GNB4: variants seen among roughly 807,000 people sequenced by gnomAD.
GNB4 encodes the protein G protein subunit beta 4, also known as guanine nucleotide-binding protein subunit beta-4.
A neutral mutation model predicts 45.2 loss-of-function variants in GNB4; 28 were observed. The ratio of observed to expected loss-of-function variants is 0.62; its 90% CI spans 0.46 to 0.85. The LOEUF (loss-of-function observed/expected upper bound fraction) is 0.85, where lower values mean the gene tolerates loss of function less well. Ranked by LOEUF, GNB4 falls within the 40% of genes least tolerant of loss-of-function variation. The pLI, the probability that GNB4 is intolerant of heterozygous loss-of-function variation, is 0.00. For missense variants in GNB4, 321 were observed against 425.4 expected (o/e 0.75, Z 2.16); for synonymous variants, 132 against 143.7 (o/e 0.92, Z 0.58).
intron 1 of GNB4, among the ~76,000 whole-genome samples, chr3:179,444,059 G>A (rs1339734273): frequency 1.3e-5 from 2 of 150,894 alleles, no homozygotes; most frequent in African/African-American, 2.4e-5. Flanking sequence ...CAATCCCCCC[G>A]ATTCTTCAGC....
rs755374705 is a variant in GNB4, at chr3:179,396,329, T to A, written c.*4884A>T. On this transcript the variant is annotated 3_prime_UTR_variant, in exon 10 of 10. Transcript: ENST00000232564. ...GACCACGAGTGTGTACAAATCATTC[T>A]AGGTAAAGACAAACACTTTCAGAAT... 10 of 152,210 alleles carry A rather than the reference T, an allele frequency of 6.6e-5. No individual in the cohort carries two copies. Among genetic ancestry groups the A allele is most frequent in the South Asian group, 2.1e-4 (1 of 4,836 alleles). 9.4% of individuals were successfully genotyped at this position (152,210 alleles called of 1,614,324 possible).
the GNB4 span, among the ~76,000 whole-genome samples, chr3:179,470,214 T>C: frequency 6.6e-6 from 1 of 152,212 alleles, no homozygotes; most frequent in African/African-American, 2.4e-5. Flanking sequence ...TAGAGTATAC[T>C]CCTACAACTT....
chr3:179,524,969 G>C, the GNB4 span, among the ~76,000 whole-genome samples: 1 of 152,082 alleles, frequency 6.6e-6, no homozygotes, highest in Admixed American at 6.6e-5. Context: ...GGAAGAATTG[G>C]GACCTGGCTC....
At chr3:179,508,927 CATGTGTATAT>C in the GNB4 span, among the ~76,000 whole-genome samples, 1 of 30,324 alleles carries the variant, frequency 3.3e-5, no homozygotes, top group Non-Finnish European at 5.1e-5. Flanking sequence ...TCTCTTTCAG[CATGTGTATAT>C]ATATATATAT....
chr3:179,464,256 C>T, the GNB4 span: 10 of 459,142 alleles, frequency 2.2e-5, no homozygotes, highest in African/African-American at 2.0e-4. Context: ...GCCAGGGAAT[C>T]AAGAGCTGCC....
the GNB4 span, among the ~76,000 whole-genome samples, chr3:179,481,319 T>C: frequency 1.3e-5 from 2 of 152,008 alleles, no homozygotes; most frequent in African/African-American, 2.4e-5. Flanking sequence ...AAAGTTAAAC[T>C]TTTTTTCTTT....
the GNB4 span, among the ~76,000 whole-genome samples, chr3:179,525,631 C>T: frequency 4.6e-5 from 7 of 152,288 alleles, no homozygotes; most frequent in East Asian, 5.8e-4. Flanking sequence ...CAGGCGTCCC[C>T]GCAGGGATTA....
At chr3:179,419,874 C>A (rs1471255811) in intron 3 of GNB4, among the ~76,000 whole-genome samples, 3 of 151,850 alleles carry the variant, frequency 2.0e-5, no homozygotes, top group Non-Finnish European at 4.4e-5. Context: ...GTAAGAAAGC[C>A]AATTTTATAT....
upstream of GNB4, among the ~76,000 whole-genome samples, chr3:179,452,706 C>T (rs4855075): frequency 0.13 from 19,973 of 152,042 alleles, 1,425 homozygotes; most frequent in Admixed American, 0.18. Context: ...TCTTTATCCA[C>T]AGATAAAGAA....
intron 2 of GNB4, among the ~76,000 whole-genome samples, chr3:179,425,514 A>G (rs1715116243): frequency 6.6e-6 from 1 of 152,194 alleles, no homozygotes; most frequent in South Asian, 2.1e-4. Context: ...TCTGTCACCC[A>G]GGCTGGAGTG....
chr3:179,524,357 T>C, the GNB4 span, among the ~76,000 whole-genome samples: 4 of 152,240 alleles, frequency 2.6e-5, no homozygotes, highest in African/African-American at 9.6e-5. Context: ...GCTGTGGGCA[T>C]TCCTTGGCCC....
chr3:179,487,009 T>G, the GNB4 span, among the ~76,000 whole-genome samples: 1 of 152,202 alleles, frequency 6.6e-6, no homozygotes, highest in Non-Finnish European at 1.5e-5. Flanking sequence ...ACAACACTTC[T>G]ATTCAAAAAT....
At chr3:179,420,750 ATTACGAAGTGCT>A in intron 3 of GNB4, 127 bp downstream of exon 3, 1 of 666,630 alleles carries the variant, frequency 1.5e-6, no homozygotes, top group South Asian at 1.7e-5. Flanking sequence ...CATTTGACAA[ATTACGAAGTGCT>A]TTTACACAGA....
At chr3:179,413,878 T>A in intron 6 of GNB4, 97 bp from the exon 7 acceptor site, 1 of 885,184 alleles carries the variant, frequency 1.1e-6, no homozygotes. Flanking sequence ...ATAGAATACT[T>A]GGGCAACAAG....
chr3:179,448,099 G>C (rs76260794), intron 1 of GNB4, among the ~76,000 whole-genome samples: 6 of 152,174 alleles, frequency 3.9e-5, no homozygotes, highest in Admixed American at 1.3e-4. Context: ...TCTCTGAAGC[G>C]GGTTCAGAAG....
chr3:179,491,040 G>A, the GNB4 span, among the ~76,000 whole-genome samples: 1 of 151,014 alleles, frequency 6.6e-6, no homozygotes, highest in African/African-American at 2.5e-5. Context: ...TAACACATAC[G>A]TTAGAATTAT....
upstream of GNB4, among the ~76,000 whole-genome samples, chr3:179,455,553 G>C (rs958508598): frequency 1.3e-5 from 2 of 152,096 alleles, no homozygotes; most frequent in African/African-American, 4.8e-5. Context: ...AATCAATCGT[G>C]GACTCTTGCC....
At chr3:179,516,374 C>T in the GNB4 span, among the ~76,000 whole-genome samples, 1 of 152,158 alleles carries the variant, frequency 6.6e-6, no homozygotes, top group African/African-American at 2.4e-5. Context: ...CCTTTTCAGA[C>T]TCTGTGGGAA....
At chr3:179,454,960 A>G (rs763140132), upstream of GNB4, among the ~76,000 whole-genome samples, 1 of 152,222 alleles carries the variant, frequency 6.6e-6, no homozygotes, top group African/African-American at 2.4e-5. Context: ...GTGTGGTTTC[A>G]GACAGACATC....
Sources: gnomAD v4.1 joint callset for allele counts (sites outside exome capture counted in the v4.1 genomes callset) on GRCh38, gnomAD v4.1.1 for gene constraint, MANE v1.5 for transcripts, NCBI Gene and HGNC (gene_info 2026-07-23, HGNC 2026-07-21) for gene names.